BRD1: variants seen among roughly 807,000 people sequenced by gnomAD.
BRD1 encodes the protein bromodomain containing 1.
In BRD1, 24 loss-of-function variants were observed where a neutral mutation model predicts 107.7. That is an observed-to-expected ratio of 0.22 (90% CI 0.16 to 0.31). BRD1 has a LOEUF of 0.31. BRD1 is among the 10% of genes least tolerant of loss of function. The pLI, the probability that BRD1 is intolerant of heterozygous loss-of-function variation, is 1.00. For synonymous variants in BRD1, 744 were observed against 686.1 expected, an observed-to-expected ratio of 1.08 and a Z score of -1.32; for missense variants, 1,279 against 1,638.6, an observed-to-expected ratio of 0.78 and a Z score of 3.79.
chr22:49,825,618 AAACAAAT>A (rs1333130459), intron 1 of BRD1: 3 of 152,266 alleles, frequency 2.0e-5, no homozygotes, highest in Admixed American at 2.0e-4. Flanking sequence ...CTGACTCGCA[AAACAAAT>A]ATTCTCAGCT....
intron 11 of BRD1, 132 bp from the exon 12 acceptor site, chr22:49,775,877 C>A: frequency 8.5e-7 from 1 of 1,183,196 alleles, no homozygotes; most frequent in Non-Finnish European, 1.2e-6. Context: ...ACGCCCCCCT[C>A]GCCGAACCAC....
At chr22:49,796,776 G>C (rs529127715) in intron 6 of BRD1, among the ~76,000 whole-genome samples, 1 of 152,258 alleles carries the variant, frequency 6.6e-6, no homozygotes, top group African/African-American at 2.4e-5. Context: ...AACAGAGGGC[G>C]AAGCAACGAT....
rs2060101690 is a variant in BRD1 at position 49,823,120 on chromosome 22, T to C, written c.1198A>G (p.Ile400Val). 2 of 1,614,128 alleles carry C rather than the reference T, an allele frequency of 1.2e-6. No homozygotes were observed. Among genetic ancestry groups the C allele is most frequent in the Non-Finnish European group, 1.7e-6 (2 of 1,180,032 alleles). Residue 400 changes from isoleucine (I) to valine (V), a missense_variant, in exon 2 of 13, where the codon ATT (isoleucine) becomes GTT (valine). By Grantham distance (29) the Ile-to-Val change is conservative (BLOSUM62 3). Transcript: ENST00000404760. ...PPGCTRRPLN[I>V]YGDVEMKNGV... ...TTTTTCATTTCGACATCCCCGTAAA[T>C]ATTCAGAGGCCTCCGGGTGCAGCCT... is the stretch of plus-strand genomic sequence containing the variant.
At chr22:49,801,231 T>C (rs1177688279) in intron 3 of BRD1, among the ~76,000 whole-genome samples, 2 of 152,228 alleles carry the variant, frequency 1.3e-5, no homozygotes, top group African/African-American at 4.8e-5. Context: ...GCTCACCCTT[T>C]ATAAAGCTAA....
chr22:49,822,337 A>G, intron 2 of BRD1, among the ~76,000 whole-genome samples: 1 of 150,916 alleles, frequency 6.6e-6, no homozygotes, highest in Admixed American at 6.6e-5. Context: ...AGACACAAGA[A>G]TTGCTGGAAC....
At chr22:49,807,597 C>T (rs1447829026) in intron 2 of BRD1, among the ~76,000 whole-genome samples, 2 of 152,188 alleles carry the variant, frequency 1.3e-5, no homozygotes, top group Admixed American at 1.3e-4. Context: ...TGCCTCATTT[C>T]ACACACAAAA....
In BRD1 at chr22:49,798,596, G is replaced by A. The variant is rs1420511810; in HGVS notation, c.1747C>T (p.Pro583Ser). 2 of 1,614,170 alleles carry A rather than the reference G, an allele frequency of 1.2e-6. No individual in the cohort carries two copies. The highest frequency in any genetic ancestry group is 2.2e-5 in the East Asian group (1 of 44,888). Residue 583 changes from proline (P) to serine (S), a missense_variant, in exon 5 of 13, where the codon CCC becomes TCC. This residue lies in a region of BRD1 where 406 missense variants were observed against 519.4 expected (regional missense o/e 0.78). Coordinates refer to ENST00000404760, the MANE Select transcript of BRD1 (RefSeq NM_001304808.3). ...SVLDQLQDKD[P>S]ARIFAQPVSL... Reference sequence around the variant, plus strand: ...ACGGGCTGCGCAAATATCCTGGCGGGGTCCTTGTCTTGCAGCTGGTCCAGC... The same window carrying A: ...ACGGGCTGCGCAAATATCCTGGCGGAGTCCTTGTCTTGCAGCTGGTCCAGC...
Position 49,827,360 on chromosome 22 carries a change from A to AGCCGCCGCCGCC in BRD1, c.-15+125_-15+136dup, listed in dbSNP as rs1270219044. ...GGCTCCCGGCCCGCAGACAATGCGGAGCCGCCGCCGCCGCCGCCGCCGCCA... is the reference window on the plus strand; with the variant it reads ...GGCTCCCGGCCCGCAGACAATGCGGAGCCGCCGCCGCCGCCGCCGCCGCCGCCGCCGCCGCCA... On this transcript the variant is annotated intron_variant, in intron 1 of 12. Coordinates refer to ENST00000404760, the MANE Select transcript of BRD1 (RefSeq NM_001304808.3). 6.9e-3 allele frequency: 1,049 copies of AGCCGCCGCCGCC among 151,436 alleles called. 13 individuals carry two copies. Among genetic ancestry groups the AGCCGCCGCCGCC allele is most frequent in the African/African-American group, 0.025 (964 of 39,184 alleles). The allele number at this position is 151,436 out of a possible 1,614,324, so 9.4% of individuals were successfully genotyped here.
chr22:49,798,712 C>A (rs1471385037), intron 4 of BRD1, 26 bp from the exon 5 acceptor site: 5 of 1,562,198 alleles, frequency 3.2e-6, no homozygotes, highest in South Asian at 1.2e-5. Flanking sequence ...AGAGCCTCAG[C>A]TTTAGGGAGC....
chr22:49,820,212 C>T (rs987717611), intron 2 of BRD1, among the ~76,000 whole-genome samples: 4 of 152,126 alleles, frequency 2.6e-5, no homozygotes, highest in Non-Finnish European at 5.9e-5. Context: ...AAAAGCAGTC[C>T]GTCCCTGAAG....
intron 7 of BRD1, among the ~76,000 whole-genome samples, chr22:49,793,477 C>G (rs997999428): frequency 1.3e-5 from 2 of 152,222 alleles, no homozygotes; most frequent in Non-Finnish European, 2.9e-5. Context: ...CTGCTACCTA[C>G]CAACTCTGCA....
chr22:49,811,772 CA>C (rs2059853946), intron 2 of BRD1, among the ~76,000 whole-genome samples: 1 of 152,206 alleles, frequency 6.6e-6, no homozygotes, highest in South Asian at 2.1e-4. Flanking sequence ...GTGAAGCTGA[CA>C]AAATTCCCCC....
In BRD1 at chr22:49,823,524, C is replaced by T. The variant is rs1474953282; in HGVS notation, c.794G>A (p.Arg265Gln). The T allele has an allele frequency of 4.4e-6, 7 of 1,601,012 alleles. No individual in the cohort carries two copies. Among genetic ancestry groups the T allele is most frequent in the South Asian group, 1.1e-5 (1 of 90,842 alleles). The change falls in exon 2 of 13, where the codon CGG (arginine) becomes CAG (glutamine). Residue 265 changes from arginine to glutamine, a missense_variant. Coordinates refer to ENST00000404760, the MANE Select transcript of BRD1 (RefSeq NM_001304808.3). ...QWLCRHCLQS[R>Q]ARPADCVLCP... Reference sequence around the variant, plus strand: ...CAGCACACAGTCGGCGGGCCGGGCCCGCGACTGCAGGCAGTGGCGGCAGAG... The same window carrying T: ...CAGCACACAGTCGGCGGGCCGGGCCTGCGACTGCAGGCAGTGGCGGCAGAG...
Position 49,810,436 on chromosome 22 carries a change from G to A in BRD1, c.1368-6076C>T, listed in dbSNP as rs112497032. ...TTGGTTAGGCAAAGGCTTCTTACAT[G>A]TGACACCAAAAGCACAAGCAACCGA... On this transcript the variant is annotated intron_variant, in intron 2 of 12. Transcript: ENST00000404760. 1.3e-3 allele frequency among the ~76,000 whole-genome samples: 204 copies of A among 152,276 alleles called. 2 individuals are homozygous for A. Among genetic ancestry groups the A allele is most frequent in the African/African-American group, 4.7e-3 (196 of 41,568 alleles).
At chr22:49,775,562 T>TATG in intron 12 of BRD1, 29 bp downstream of exon 12, 1 of 1,452,144 alleles carries the variant, frequency 6.9e-7, no homozygotes, top group Non-Finnish European at 9.2e-7. Flanking sequence ...CCCCAGCCGG[T>TATG]CCCCGGAGTC....
intron 2 of BRD1, chr22:49,818,288 G>C: frequency 2.3e-6 from 3 of 1,279,430 alleles, no homozygotes; most frequent in East Asian, 5.6e-5. Context: ...CCTCCTAGAA[G>C]ATCTGAAGCA....
At chr22:49,788,779 G>A (rs1319476019) in intron 7 of BRD1, among the ~76,000 whole-genome samples, 1 of 152,140 alleles carries the variant, frequency 6.6e-6, no homozygotes, top group Non-Finnish European at 1.5e-5. Context: ...ACTGACAACA[G>A]GAAGTGTGAC....
Position 49,776,899 on chromosome 22 carries a change from C to T in BRD1, c.3121+135G>A, listed in dbSNP as rs1242542567. On this transcript the variant is annotated intron_variant, in intron 10 of 12. Transcript: ENST00000404760. ...CCCTCGGTGTGTGATGAACCCTTCC[C>T]CGGGAGGTTGGCCAGGGTGGGGCTC... 3.1e-6 allele frequency: 4 copies of T among 1,310,158 alleles called. No homozygotes were observed. In the East Asian group the frequency reaches 9.4e-5, roughly 31 times the overall value. The allele number at this position is 1,310,158 out of a possible 1,614,324, so 81.2% of individuals were successfully genotyped here.
intron 3 of BRD1, 97 bp downstream of exon 3, chr22:49,804,107 A>AG (rs1441032872): frequency 1.8e-6 from 2 of 1,087,096 alleles, no homozygotes; most frequent in East Asian, 2.9e-5. Context: ...GCCTGAGCCC[A>AG]GGGGGCAGCA....
Sources: gnomAD v4.1 joint callset for allele counts (sites outside exome capture counted in the v4.1 genomes callset) on GRCh38, gnomAD v4.1.1 for gene constraint, gnomAD v4.1.1 regional missense constraint, MANE v1.5 for transcripts, NCBI Gene and HGNC (gene_info 2026-07-23, HGNC 2026-07-21) for gene names.